COBLL1: variants seen among roughly 807,000 people sequenced by gnomAD.
COBLL1 encodes cordon-bleu protein-like 1.
In COBLL1, 50 loss-of-function variants were observed where a neutral mutation model predicts 94.8. That is an observed-to-expected ratio of 0.53 (90% CI 0.42 to 0.67). The LOEUF is 0.67. COBLL1 is among the 30% of genes least tolerant of loss of function. The probability of loss-of-function intolerance (pLI) is 0.00; values close to 1 mark genes in which losing one functional copy is unlikely to be tolerated. For synonymous variants in COBLL1, 448 were observed against 473.8 expected (o/e 0.95, Z 0.71); for missense variants, 1,362 against 1,348.7 (o/e 1.01, Z -0.15).
Position 164,694,791 on chromosome 2 carries a change from A to C in COBLL1, c.2601T>G (p.Phe867Leu). Reference protein sequence around the residue: ...ASNAQAKPSSFFLQMQKRVSG... With the variant: ...ASNAQAKPSSLFLQMQKRVSG... The stretch of plus-strand genomic sequence containing the variant: ...ATACTCTCTTCTGCATCTGCAAAAA[A>C]AAAGAGCTGGGTTTGGCCTGGGCAT... Residue 867 changes from phenylalanine (F) to leucine (L), a missense_variant, in exon 12 of 14, where the codon TTT becomes TTG. By Grantham distance (22) the Phe-to-Leu change is conservative. Coordinates refer to ENST00000652658, the MANE Select transcript of COBLL1 (RefSeq NM_001365672.2). The C allele has an allele frequency of 6.2e-7, 1 of 1,613,748 alleles. No individual in the cohort carries two copies. The highest frequency in any genetic ancestry group is 8.5e-7 in the Non-Finnish European group (1 of 1,179,922).
At chr2:164,834,134 C>G (rs1183007313) in intron 2 of COBLL1, among the ~76,000 whole-genome samples, 1 of 151,976 alleles carries the variant, frequency 6.6e-6, no homozygotes, top group Non-Finnish European at 1.5e-5. Flanking sequence ...TATTAGAACA[C>G]CAAAAGCTTG....
intron 2 of COBLL1, among the ~76,000 whole-genome samples, chr2:164,834,603 A>T (rs1009781366): frequency 6.6e-6 from 1 of 152,248 alleles, no homozygotes; most frequent in Non-Finnish European, 1.5e-5. Context: ...CTTATAAATT[A>T]GGCCAGTGGG....
At chr2:164,673,163 A>C (rs1174920064) in intron 1 of COBLL1, among the ~76,000 whole-genome samples, 1 of 152,182 alleles carries the variant, frequency 6.6e-6, no homozygotes, top group Non-Finnish European at 1.5e-5. Context: ...TGAAATAGTG[A>C]AATTTGTCTG....
chr2:164,718,880 A>T (rs892496309), intron 7 of COBLL1, among the ~76,000 whole-genome samples: 1 of 152,066 alleles, frequency 6.6e-6, no homozygotes, highest in Non-Finnish European at 1.5e-5. Context: ...AATAAGTCAA[A>T]TCTTCTGGTT....
intron 3 of COBLL1, 191 bp downstream of exon 3, chr2:164,743,496 T>C: frequency 1.9e-6 from 1 of 538,150 alleles, no homozygotes; most frequent in Non-Finnish European, 3.3e-6. Flanking sequence ...GTGGAATTCA[T>C]AGCACTGATA....
chr2:164,716,430 GA>G (rs1231848260), intron 7 of COBLL1, among the ~76,000 whole-genome samples: 1 of 151,994 alleles, frequency 6.6e-6, no homozygotes, highest in African/African-American at 2.4e-5. Context: ...TTTCTAATGG[GA>G]AAGTTTTCTT....
At chr2:164,674,232 T>G (rs1691298770) in intron 1 of COBLL1, among the ~76,000 whole-genome samples, 1 of 152,080 alleles carries the variant, frequency 6.6e-6, no homozygotes, top group South Asian at 2.1e-4. Context: ...AGCTAATTTT[T>G]GTATTTTTAG....
downstream of COBLL1, among the ~76,000 whole-genome samples, chr2:164,676,095 G>A (rs1443048867): frequency 1.3e-5 from 2 of 152,172 alleles, no homozygotes; most frequent in Admixed American, 6.5e-5. Context: ...TATTTTTATT[G>A]AATGCAGTAA....
At chr2:164,692,555 G>C in intron 12 of COBLL1, 158 bp from the exon 13 acceptor site, 1 of 581,740 alleles carries the variant, frequency 1.7e-6, no homozygotes, top group South Asian at 2.3e-5. Flanking sequence ...AATTATCTCT[G>C]CTGCCAGAGC....
At chr2:164,676,159 G>A (rs78374058), downstream of COBLL1, among the ~76,000 whole-genome samples, 1,602 of 152,190 alleles carry the variant, frequency 0.011, 20 homozygotes, top group Middle Eastern at 0.027. Flanking sequence ...AGTGTTTTCC[G>A]AATTTAAGAA....
chr2:164,747,918 AC>A (rs1686949661), intron 2 of COBLL1, among the ~76,000 whole-genome samples: 1 of 152,318 alleles, frequency 6.6e-6, no homozygotes, highest in African/African-American at 2.4e-5. Flanking sequence ...GTGCAATACA[AC>A]CGAGAAGATG....
chr2:164,771,996 A>C (rs1476065307), intron 2 of COBLL1: 1 of 151,936 alleles, frequency 6.6e-6, no homozygotes, highest in African/African-American at 2.4e-5. Flanking sequence ...TAAAGAACGT[A>C]TGCATAGTGG....
At chr2:164,688,205 T>C (rs1201689428) in intron 13 of COBLL1, among the ~76,000 whole-genome samples, 1 of 152,148 alleles carries the variant, frequency 6.6e-6, no homozygotes, top group Non-Finnish European at 1.5e-5. Flanking sequence ...CTATCAAGAA[T>C]GGTTATTTTT....
intron 2 of COBLL1, among the ~76,000 whole-genome samples, chr2:164,833,412 T>C (rs978168850): frequency 6.6e-6 from 1 of 151,396 alleles, no homozygotes; most frequent in South Asian, 2.1e-4. Context: ...CAACTTTCTA[T>C]GAGTTGAGCT....
rs529999285 is a variant in COBLL1, at chr2:164,804,304, A to G, written c.41+36852T>C. 1.8e-4 allele frequency among the ~76,000 whole-genome samples: 28 copies of G among 152,258 alleles called. No homozygotes were observed. In the South Asian group the frequency reaches 5.4e-3, roughly 29 times the overall value. On this transcript the variant is annotated intron_variant, in intron 2 of 13. Coordinates refer to ENST00000652658, the MANE Select transcript of COBLL1 (RefSeq NM_001365672.2). ...CAGACGTATTGGATCACACAACTCT[A>G]TGAGTAAAAGAAAAAGAATTAACAC...
downstream of COBLL1, among the ~76,000 whole-genome samples, chr2:164,676,677 CT>C (rs112492007): frequency 0.051 from 7,429 of 146,290 alleles, 257 homozygotes; most frequent in African/African-American, 0.1. Context: ...CTTAACTCTG[CT>C]TTTTTTTTTT....
intron 2 of COBLL1, 108 bp from the exon 3 acceptor site, chr2:164,743,983 A>G: frequency 1.3e-6 from 1 of 772,214 alleles, no homozygotes; most frequent in Non-Finnish European, 1.9e-6. Context: ...TTTCACATCT[A>G]GAAAAAATGT....
intron 2 of COBLL1, among the ~76,000 whole-genome samples, chr2:164,802,074 C>CA (rs1256198041): frequency 6.6e-6 from 1 of 152,034 alleles, no homozygotes; most frequent in Non-Finnish European, 1.5e-5. Flanking sequence ...AAAATTTAAG[C>CA]AAAACAGTTG....
intron 7 of COBLL1, chr2:164,718,323 T>C: frequency 1.2e-6 from 1 of 818,096 alleles, no homozygotes; most frequent in Non-Finnish European, 1.5e-6. Flanking sequence ...AGTTTATCTT[T>C]AGAGGATGAG....
Sources: gnomAD v4.1 joint callset for allele counts (sites outside exome capture counted in the v4.1 genomes callset) on GRCh38, gnomAD v4.1.1 for gene constraint, MANE v1.5 for transcripts, NCBI Gene and HGNC (gene_info 2026-07-23, HGNC 2026-07-21) for gene names.